Variants in BPIFB6 observed in about 807,000 individuals in gnomAD.
BPIFB6 encodes the protein BPI fold-containing family B member 6.
In BPIFB6, 47 loss-of-function variants were observed where a neutral mutation model predicts 54.7. The observed-to-expected ratio is 0.86, with a 90% CI of 0.68 to 1.10. BPIFB6 has a LOEUF of 1.10. Among genes scored for constraint, BPIFB6 ranks in the 50% least tolerant of loss-of-function variants. BPIFB6 has a pLI of 0.00. For missense variants in BPIFB6, 603 were observed against 564.1 expected (o/e 1.07, Z -0.70); for synonymous variants, 255 against 225.9 (o/e 1.13, Z -1.16).
chr20:33,035,726 A>G (rs2146364731), intron 6 of BPIFB6, 54 bp downstream of exon 6: 1 of 1,550,730 alleles, frequency 6.4e-7, no homozygotes, highest in Non-Finnish European at 8.9e-7. Flanking sequence ...CAGGATAGAT[A>G]GACTTTGATG....
rs1318293050 is a variant in BPIFB6, at chr20:33,033,119, G to A, written c.197+36G>A. ...GAGGGGAGCTGGAGGGTGGTGGTTA[G>A]GGCAGAGGGTGGTGGGGATTGCTGT... On this transcript the variant is annotated intron_variant, in intron 2 of 14. Coordinates refer to ENST00000349552, the MANE Select transcript of BPIFB6 (RefSeq NM_174897.2). The A allele has an allele frequency of 3.3e-6, 5 of 1,509,598 alleles. No individual in the cohort carries two copies. In the South Asian group the frequency reaches 4.5e-5, roughly 14 times the overall value. The allele number at this position is 1,509,598 out of a possible 1,614,324, so 93.5% of individuals were successfully genotyped here.
At chr20:33,037,428 G>GGTTCT (rs1203503698) in intron 7 of BPIFB6, 134 bp from the exon 8 acceptor site, 4 of 853,242 alleles carry the variant, frequency 4.7e-6, no homozygotes, top group Non-Finnish European at 5.3e-6. Context: ...AGCCCATTGT[G>GGTTCT]GTTCTCTTAA....
chr20:33,034,080 G>A (rs1230195620), intron 2 of BPIFB6, 106 bp from the exon 3 acceptor site: 5 of 794,372 alleles, frequency 6.3e-6, no homozygotes, highest in South Asian at 2.8e-5. Flanking sequence ...CATGGGATAG[G>A]AGGCCGGGGT....
At chr20:33,036,337 C>T in intron 6 of BPIFB6, 108 bp from the exon 7 acceptor site, 2 of 892,400 alleles carry the variant, frequency 2.2e-6, no homozygotes, top group Non-Finnish European at 3.6e-6. Context: ...AGGAATTTGC[C>T]TTGAGTCACG....
At chr20:33,035,055 T>C in intron 4 of BPIFB6, 26 bp from the exon 5 acceptor site, 1 of 1,613,444 alleles carries the variant, frequency 6.2e-7, no homozygotes, top group African/African-American at 1.3e-5. Context: ...CCTGCCCACC[T>C]ATCCTCGGTG....
intron 1 of BPIFB6, 103 bp from the exon 2 acceptor site, chr20:33,032,881 G>A: frequency 3.5e-6 from 3 of 864,394 alleles, no homozygotes; most frequent in Non-Finnish European, 3.8e-6. Flanking sequence ...CTGGGTCTCT[G>A]CCATCGTCCA....
rs1197767462 is a variant in BPIFB6 at position 33,035,604 on chromosome 20, G to T, written c.517-8G>T. The T allele has an allele frequency of 6.2e-7, 1 of 1,614,140 alleles. No homozygotes were observed. The highest frequency in any genetic ancestry group is 8.5e-7 in the Non-Finnish European group (1 of 1,180,018). On this transcript the variant is annotated splice_region_variant and splice_polypyrimidine_tract_variant and intron_variant, in intron 5 of 14. Transcript: ENST00000349552. ...ACCCTCTCAGCCCAGTGCCTTCTCT[G>T]CTTCCAGATGTGTCCCGCCATCGAT...
chr20:33,041,656 T>C (rs1055666415), intron 11 of BPIFB6, among the ~76,000 whole-genome samples: 4 of 152,138 alleles, frequency 2.6e-5, no homozygotes, highest in Admixed American at 1.3e-4. Flanking sequence ...GACTGCCCAG[T>C]TGGGCTGTAA....
At position 33,039,469 on chromosome 20, in the gene BPIFB6, C is replaced by G; in HGVS notation, c.1023C>G (p.Phe341Leu). The change falls in exon 10 of 15, where the codon TTC becomes TTG. Residue 341 changes from phenylalanine (F) to leucine (L), a missense_variant. By Grantham distance (22) the Phe-to-Leu change is conservative (BLOSUM62 0). Transcript: ENST00000349552. ...LLHLHSTLEMFAARWRSKAPM... is the reference protein window; with the variant it reads ...LLHLHSTLEMLAARWRSKAPM... ...ACCTCCACAGCACCCTGGAGATGTT[C>G]GCAGCTCGGTGGCGGAGCAAGGCTC... 1 of 1,614,060 alleles carries G rather than the reference C, an allele frequency of 6.2e-7. No homozygotes were observed. Among genetic ancestry groups the G allele is most frequent in the Non-Finnish European group, 8.5e-7 (1 of 1,179,970 alleles).
At chr20:33,042,734 C>A in intron 12 of BPIFB6, 81 bp from the exon 13 acceptor site, 2 of 1,359,256 alleles carry the variant, frequency 1.5e-6, no homozygotes, top group Non-Finnish European at 2.1e-6. Flanking sequence ...GTCCCCAGGC[C>A]TAGCCAGAGA....
chr20:33,042,788 T>C (rs770760328), intron 12 of BPIFB6, 27 bp from the exon 13 acceptor site: 1 of 1,607,254 alleles, frequency 6.2e-7, no homozygotes, highest in East Asian at 2.2e-5. Context: ...GAATGGAATG[T>C]GGATGCTTTC....
chr20:33,035,074 C>T lies in BPIFB6; in HGVS notation c.453-7C>T. On this transcript the variant is annotated splice_polypyrimidine_tract_variant and splice_region_variant and intron_variant, in intron 4 of 14. Transcript: ENST00000349552. ...CCCACCTATCCTCGGTGCCTGTGTC[C>T]ATCTAGCATGCTCCCCAAGATGGTC... 2.5e-6 allele frequency: 4 copies of T among 1,613,888 alleles called. No individual in the cohort carries two copies. Among genetic ancestry groups the T allele is most frequent in the Non-Finnish European group, 3.4e-6 (4 of 1,179,986 alleles).
chr20:33,037,882 C>A, intron 8 of BPIFB6, 144 bp downstream of exon 8: 2 of 827,208 alleles, frequency 2.4e-6, no homozygotes, highest in South Asian at 1.7e-5. Flanking sequence ...TTTCTCTCAG[C>A]AGTTCATCTC....
Position 33,044,033 on chromosome 20 carries a change from T to C in BPIFB6, c.1348T>C (p.Leu450=). The change falls in exon 15 of 15, where the codon TTG becomes CTG. Residue 450 remains leucine (L), a synonymous_variant. Coordinates refer to ENST00000349552, the MANE Select transcript of BPIFB6 (RefSeq NM_174897.2). The part of the protein sequence containing the change: ...DIVENALMLD[L]KLG ...TTGCCAGAATGCCCTGATGCTGGAC[T>C]TGAAGCTGGGCTGACCATGGCAGGA... 1.2e-6 allele frequency: 2 copies of C among 1,614,186 alleles called. No homozygotes were observed. The highest frequency in any genetic ancestry group is 2.2e-5 in the South Asian group (2 of 91,080).
chr20:33,033,759 A>G lies in BPIFB6; in HGVS notation c.198-427A>G, dbSNP rs182093253. The G allele has an allele frequency of 1.0e-3, 445 of 427,896 alleles. 2 individuals carry two copies. The highest frequency in any genetic ancestry group is 1.3e-3 in the Non-Finnish European group (279 of 209,442). 26.5% of individuals were successfully genotyped at this position (427,896 alleles called of 1,614,324 possible). A position where few individuals can be genotyped will look rare whatever the true frequency, so the allele number is the denominator to read the frequency against. On this transcript the variant is annotated intron_variant, in intron 2 of 14. Coordinates refer to ENST00000349552, the MANE Select transcript of BPIFB6 (RefSeq NM_174897.2). Reference sequence around the variant, plus strand: ...CGGGGACTGGGGGAATGCTACTGGCATCTACTGGGCTGAGGTCGGAGATGC... The same window carrying G: ...CGGGGACTGGGGGAATGCTACTGGCGTCTACTGGGCTGAGGTCGGAGATGC...
At chr20:33,042,152 AC>A in intron 12 of BPIFB6, 137 bp downstream of exon 12, 1 of 819,304 alleles carries the variant, frequency 1.2e-6, no homozygotes, top group African/African-American at 1.7e-5. Context: ...GGCGCACCTG[AC>A]TTGCCGTGTG....
chr20:33,037,647 G>T lies in BPIFB6; in HGVS notation c.755G>T (p.Gly252Val), dbSNP rs888372837. ...ALTFPEGYAK[G>V]SSQLLLPATF... is the part of the protein sequence containing the mutation. ...ACGTTCCCTGAGGGTTATGCCAAAG[G>T]CTCGTCGCAGCTGCTGCTCCCAGCC... Residue 252 changes from glycine to valine, a missense_variant, in exon 8 of 15, where the codon GGC becomes GTC. Coordinates refer to ENST00000349552, the MANE Select transcript of BPIFB6 (RefSeq NM_174897.2). 1 of 1,614,130 alleles carries T rather than the reference G, an allele frequency of 6.2e-7. No homozygotes were observed. Among genetic ancestry groups the T allele is most frequent in the Non-Finnish European group, 8.5e-7 (1 of 1,180,016 alleles).
In BPIFB6 at chr20:33,036,508, C is replaced by T. The variant is rs1979348346; in HGVS notation, c.641C>T (p.Thr214Ile). The T allele has an allele frequency of 1.9e-6, 3 of 1,614,224 alleles. No individual in the cohort carries two copies. Among genetic ancestry groups the T allele is most frequent in the Non-Finnish European group, 2.5e-6 (3 of 1,180,030 alleles). ...KYVLMSAPAT[T>I]ASYIQLDFSP... Reference sequence around the variant, plus strand: ...GTTCTGATGTCCGCACCAGCCACCACAGCCAGCTACATCCAACTGGACTTC... The same window carrying T: ...GTTCTGATGTCCGCACCAGCCACCATAGCCAGCTACATCCAACTGGACTTC... Residue 214 changes from threonine to isoleucine, a missense_variant, in exon 7 of 15, where the codon ACA (threonine) becomes ATA (isoleucine). Physicochemically the swap from Thr to Ile is moderately conservative, Grantham distance 89. Coordinates refer to ENST00000349552, the MANE Select transcript of BPIFB6 (RefSeq NM_174897.2).
chr20:33,035,543 G>A (rs1272655179), intron 5 of BPIFB6, 69 bp from the exon 6 acceptor site: 5 of 1,522,716 alleles, frequency 3.3e-6, no homozygotes, highest in East Asian at 4.5e-5. Flanking sequence ...GGCCCGTGGT[G>A]TACCATTCAG....
Sources: allele counts gnomAD v4.1 joint callset (sites outside exome capture counted in the v4.1 genomes callset), GRCh38; gene constraint gnomAD v4.1.1; transcripts MANE v1.5; gene names NCBI Gene and HGNC (gene_info 2026-07-23, HGNC 2026-07-21).